The following ADAMTS17 variants were observed in gnomAD, a reference collection of about 807,000 sequenced individuals.
ADAMTS17 encodes A disintegrin and metalloproteinase with thrombospondin motifs 17.
A neutral mutation model predicts 141.5 loss-of-function variants in ADAMTS17; 113 were observed. The observed-to-expected ratio is 0.80, with a 90% CI of 0.69 to 0.93. ADAMTS17 has a LOEUF of 0.93. Ranked by LOEUF, ADAMTS17 falls within the 40% of genes least tolerant of loss-of-function variation. The probability of loss-of-function intolerance (pLI) is 0.00; values close to 1 mark genes in which losing one functional copy is unlikely to be tolerated. For synonymous variants in ADAMTS17, 768 were observed against 630.6 expected (o/e 1.22, Z -3.27); for missense variants, 1,659 against 1,517.9 (o/e 1.09, Z -1.54).
Position 99,985,602 on chromosome 15 carries a change from G to A in ADAMTS17, c.2949+7446C>T, listed in dbSNP as rs867481877. ...TAATAACGACCACATGAGCATCTTA[G>A]AGCTCAGCTCCTTCTTGTTTCAAAT... On this transcript the variant is annotated intron_variant, in intron 20 of 21. Transcript: ENST00000268070. 5.9e-5 allele frequency among the ~76,000 whole-genome samples: 9 copies of A among 152,262 alleles called. No homozygotes were observed. The South Asian group carries it at 6.2e-4, about 11-fold the overall frequency.
At position 100,243,930 on chromosome 15, in the gene ADAMTS17, G is replaced by T. The variant is rs576743988; in HGVS notation, c.1075+10206C>A. Reference sequence around the variant, plus strand: ...ATACTATTATCCCCATTTTCCAGATGAGAAAACAGAGCAGGGGATATTAGG... The same window carrying T: ...ATACTATTATCCCCATTTTCCAGATTAGAAAACAGAGCAGGGGATATTAGG... On this transcript the variant is annotated intron_variant, in intron 7 of 21. Transcript: ENST00000268070. Among the ~76,000 whole-genome samples, 26 of 152,176 alleles carry T rather than the reference G, an allele frequency of 1.7e-4. No homozygotes were observed. In the South Asian group the frequency reaches 2.5e-3, roughly 15 times the overall value.
At chr15:100,007,188 C>T (rs2061052256) in intron 18 of ADAMTS17, among the ~76,000 whole-genome samples, 1 of 152,200 alleles carries the variant, frequency 6.6e-6, no homozygotes, top group Non-Finnish European at 1.5e-5. Flanking sequence ...AGCTGGTCAA[C>T]CAAATAAGCG....
intron 18 of ADAMTS17, among the ~76,000 whole-genome samples, chr15:100,018,997 GC>G (rs1309546828): frequency 6.6e-6 from 1 of 152,148 alleles, no homozygotes; most frequent in Non-Finnish European, 1.5e-5. Flanking sequence ...TTACACATGT[GC>G]CCAAGAAAAC....
chr15:99,977,489 G>T (rs1417223092), intron 20 of ADAMTS17, among the ~76,000 whole-genome samples: 2 of 137,130 alleles, frequency 1.5e-5, no homozygotes, highest in African/African-American at 2.8e-5. Flanking sequence ...TCGGCTCACT[G>T]TGCAACCTCC....
chr15:100,059,763 G>A (rs931090302), intron 15 of ADAMTS17, among the ~76,000 whole-genome samples: 4 of 152,208 alleles, frequency 2.6e-5, no homozygotes, highest in Non-Finnish European at 5.9e-5. Context: ...CCTGCCTTGC[G>A]TTAGCTGCAG....
chr15:100,038,485 T>C (rs1480985667), intron 18 of ADAMTS17, among the ~76,000 whole-genome samples: 1 of 151,626 alleles, frequency 6.6e-6, no homozygotes, highest in Non-Finnish European at 1.5e-5. Flanking sequence ...AGTCTTCTCA[T>C]TCATGAAAAT....
intron 10 of ADAMTS17, among the ~76,000 whole-genome samples, chr15:100,137,198 A>G (rs1021871657): frequency 1.3e-5 from 2 of 152,202 alleles, no homozygotes; most frequent in African/African-American, 4.8e-5. Context: ...GATTGAAACC[A>G]ACGTAGGAAT....
At chr15:100,061,017 G>A (rs1020383781) in intron 15 of ADAMTS17, among the ~76,000 whole-genome samples, 9 of 152,190 alleles carry the variant, frequency 5.9e-5, no homozygotes, top group Admixed American at 5.9e-4. Flanking sequence ...TGCCTTCTGG[G>A]TAAGATAAGG....
chr15:100,257,536 G>A (rs894723856), intron 6 of ADAMTS17, among the ~76,000 whole-genome samples: 21 of 152,188 alleles, frequency 1.4e-4, no homozygotes, highest in African/African-American at 4.1e-4. Context: ...TCAGGCTCCC[G>A]GGCTGGCAAC....
chr15:100,152,975 A>AAGAGAATATGTGCCTGGG (rs200941441), intron 9 of ADAMTS17, among the ~76,000 whole-genome samples: 3 of 151,258 alleles, frequency 2.0e-5, no homozygotes, highest in East Asian at 1.9e-4. Context: ...TTCGCTCTGA[A>AAGAGAATATGTGCCTGGG]GGTAGTAAGA....
intron 18 of ADAMTS17, among the ~76,000 whole-genome samples, chr15:100,022,370 G>A (rs2061421827): frequency 6.6e-6 from 1 of 152,164 alleles, no homozygotes; most frequent in Non-Finnish European, 1.5e-5. Flanking sequence ...CCTCGGCTCT[G>A]GCACACTGGA....
At chr15:100,168,144 A>C (rs1289575982) in intron 8 of ADAMTS17, among the ~76,000 whole-genome samples, 3 of 152,196 alleles carry the variant, frequency 2.0e-5, no homozygotes, top group Non-Finnish European at 2.9e-5. Context: ...GCAGGTGTGC[A>C]GACAGGGAGG....
intron 18 of ADAMTS17, among the ~76,000 whole-genome samples, chr15:100,044,197 C>T (rs1437965770): frequency 6.6e-6 from 1 of 152,180 alleles, no homozygotes; most frequent in East Asian, 1.9e-4. Context: ...TACCTCTCAT[C>T]TGTCTTTCAC....
At chr15:100,073,318 C>T (rs1291673679) in intron 15 of ADAMTS17, among the ~76,000 whole-genome samples, 1 of 152,198 alleles carries the variant, frequency 6.6e-6, no homozygotes, top group Non-Finnish European at 1.5e-5. Flanking sequence ...GCTGGTAGGA[C>T]TGTAAACTAG....
chr15:100,338,777 A>C (rs1324873548), intron 2 of ADAMTS17, among the ~76,000 whole-genome samples: 1 of 152,044 alleles, frequency 6.6e-6, no homozygotes, highest in Non-Finnish European at 1.5e-5. Flanking sequence ...CCACATCTCC[A>C]CTCACAGAGC....
intron 3 of ADAMTS17, among the ~76,000 whole-genome samples, chr15:100,287,551 T>C (rs1013647188): frequency 1.3e-5 from 2 of 152,106 alleles, no homozygotes; most frequent in Middle Eastern, 3.2e-3. Flanking sequence ...AAAGATCCTA[T>C]ACAAGATGAC....
At chr15:100,095,421 G>A (rs2035698320) in intron 15 of ADAMTS17, among the ~76,000 whole-genome samples, 1 of 152,184 alleles carries the variant, frequency 6.6e-6, no homozygotes, top group Non-Finnish European at 1.5e-5. Flanking sequence ...AAGTGGAGAG[G>A]AGAGCATGCC....
At chr15:100,220,598 C>T (rs946231539) in intron 7 of ADAMTS17, among the ~76,000 whole-genome samples, 1 of 152,144 alleles carries the variant, frequency 6.6e-6, no homozygotes, top group Admixed American at 6.5e-5. Flanking sequence ...GTTGTGCAGC[C>T]ATCATCATGA....
chr15:100,084,088 C>T (rs569654894), intron 15 of ADAMTS17, among the ~76,000 whole-genome samples: 8 of 152,262 alleles, frequency 5.3e-5, no homozygotes, highest in Non-Finnish European at 8.8e-5. Flanking sequence ...AATTCCCCTT[C>T]CTAGTCAAAG....
Sources: allele counts gnomAD v4.1 joint callset (sites outside exome capture counted in the v4.1 genomes callset), GRCh38; gene constraint gnomAD v4.1.1; transcripts MANE v1.5; gene names NCBI Gene and HGNC (gene_info 2026-07-23, HGNC 2026-07-21).